The following ADAMDEC1 variants were observed in gnomAD, a reference collection of about 807,000 sequenced individuals.
The protein encoded by ADAMDEC1 is ADAM DEC1.
ADAMDEC1 carries 62 observed loss-of-function variants against 60.4 expected under a neutral mutation model. The observed-to-expected ratio is 1.03, with a 90% confidence interval of 0.84 to 1.27. The LOEUF (loss-of-function observed/expected upper bound fraction) is 1.27, where lower values mean the gene tolerates loss of function less well. Ranked by LOEUF, ADAMDEC1 falls within the 50% of genes most tolerant of loss-of-function variation. The pLI, the probability that ADAMDEC1 is intolerant of heterozygous loss-of-function variation, is 0.00. For synonymous variants in ADAMDEC1, 210 were observed against 195.1 expected (o/e 1.08, Z -0.64); for missense variants, 595 against 565.0 (o/e 1.05, Z -0.54).
At chr8:24,391,216 A>G (rs1817437298) in intron 1 of ADAMDEC1, among the ~76,000 whole-genome samples, 1 of 152,168 alleles carries the variant, frequency 6.6e-6, no homozygotes, top group South Asian at 2.1e-4. Flanking sequence ...TTTCCCTAAG[A>G]TCACTCTGTC....
chr8:24,401,943 T>C lies in ADAMDEC1; in HGVS notation c.1171T>C (p.Ser391Pro), dbSNP rs1462439906. 1 of 1,612,218 alleles carries C rather than the reference T, an allele frequency of 6.2e-7. No homozygotes were observed. Among genetic ancestry groups the C allele is most frequent in the Non-Finnish European group, 8.5e-7 (1 of 1,179,470 alleles). ...SSKFPKDFST[S>P]CRAHFERYLL... ...AAAATTCCCAAAGGATTTCAGTACATCTTGCCGTGCACATTTTGAAAGATA... is the reference window on the plus strand; with the variant it reads ...AAAATTCCCAAAGGATTTCAGTACACCTTGCCGTGCACATTTTGAAAGATA... Residue 391 changes from serine to proline, a missense_variant, in exon 12 of 14, where the codon TCT becomes CCT. By Grantham distance (74) the Ser-to-Pro change is moderately conservative. Transcript: ENST00000256412.
intron 13 of ADAMDEC1, 42 bp downstream of exon 13, chr8:24,404,130 G>C: frequency 3.2e-6 from 5 of 1,563,184 alleles, no homozygotes; most frequent in Non-Finnish European, 4.4e-6. Flanking sequence ...GTTTTCTCAC[G>C]TTTATTTCAG....
chr8:24,403,053 T>C (rs555032158), intron 12 of ADAMDEC1, among the ~76,000 whole-genome samples: 10 of 152,084 alleles, frequency 6.6e-5, no homozygotes, highest in African/African-American at 1.9e-4. Flanking sequence ...GGTATGTATT[T>C]ACAGAGAAGA....
At chr8:24,399,501 T>G in intron 10 of ADAMDEC1, 27 bp downstream of exon 10, 1 of 1,568,598 alleles carries the variant, frequency 6.4e-7, no homozygotes, top group Non-Finnish European at 8.8e-7. Context: ...TAAGGCTCTC[T>G]GTGGTTCTGT....
chr8:24,390,239 A>T (rs978415734), intron 1 of ADAMDEC1: 5 of 1,073,984 alleles, frequency 4.7e-6, no homozygotes, highest in Non-Finnish European at 6.1e-6. Flanking sequence ...TACTGTCTAG[A>T]AAAGAATGTA....
chr8:24,397,484 T>C (rs1297176004), intron 6 of ADAMDEC1, 28 bp downstream of exon 6: 1 of 1,606,464 alleles, frequency 6.2e-7, no homozygotes, highest in East Asian at 2.2e-5. Context: ...ACCTCATCAT[T>C]TACTTCAATT....
intron 10 of ADAMDEC1, 32 bp from the exon 11 acceptor site, chr8:24,400,138 A>G (rs1323687394): frequency 1.4e-6 from 2 of 1,478,502 alleles, no homozygotes; most frequent in Admixed American, 5.1e-5. Flanking sequence ...TTAAATAAAA[A>G]AAGAATAAAT....
intron 1 of ADAMDEC1, among the ~76,000 whole-genome samples, chr8:24,385,918 T>G (rs545557493): frequency 3.2e-4 from 48 of 148,386 alleles, no homozygotes; most frequent in Admixed American, 5.5e-4. Flanking sequence ...TCAAACAACA[T>G]GTAATGAAAT....
intron 10 of ADAMDEC1, 121 bp from the exon 11 acceptor site, chr8:24,400,049 C>T: frequency 2.6e-6 from 2 of 758,454 alleles, no homozygotes; most frequent in Non-Finnish European, 3.9e-6. Context: ...TTGCAATACA[C>T]AGTGACAGGG....
At chr8:24,387,613 G>A (rs916427662) in intron 1 of ADAMDEC1, 7 of 152,148 alleles carry the variant, frequency 4.6e-5, no homozygotes, top group African/African-American at 1.7e-4. Flanking sequence ...TGAGACACAG[G>A]CTCTGCTAGC....
At chr8:24,402,194 T>C (rs1044477920) in intron 12 of ADAMDEC1, 102 bp downstream of exon 12, 27 of 1,110,534 alleles carry the variant, frequency 2.4e-5, no homozygotes, top group African/African-American at 4.9e-5. Flanking sequence ...CTTGGCATCG[T>C]AGTTAAAAAG....
chr8:24,393,648 C>A (rs1189620013), intron 3 of ADAMDEC1, among the ~76,000 whole-genome samples: 1 of 152,126 alleles, frequency 6.6e-6, no homozygotes, highest in African/African-American at 2.4e-5. Context: ...GTGTCCAAGG[C>A]TGATTCAAAA....
rs1004034610 is a variant in ADAMDEC1 at position 24,405,676 on chromosome 8, C to T, written c.*378C>T. 5 of 179,324 alleles carry T rather than the reference C, an allele frequency of 2.8e-5. No homozygotes were observed. Among genetic ancestry groups the T allele is most frequent in the East Asian group, 1.4e-4 (1 of 6,968 alleles). 11.1% of individuals were successfully genotyped at this position (179,324 alleles called of 1,614,324 possible). On this transcript the variant is annotated 3_prime_UTR_variant, in exon 14 of 14. Transcript: ENST00000256412. Reference sequence around the variant, plus strand: ...TTACAAGTACTATGCTTTAATGCTTCTTTCATCTTACTAGTATGGCCTATA... The same window carrying T: ...TTACAAGTACTATGCTTTAATGCTTTTTTCATCTTACTAGTATGGCCTATA...
At position 24,400,247 on chromosome 8, in the gene ADAMDEC1, T is replaced by A; in HGVS notation, c.1089T>A (p.Val363=). 1 of 1,612,262 alleles carries A rather than the reference T, an allele frequency of 6.2e-7. No individual in the cohort carries two copies. Among genetic ancestry groups the A allele is most frequent in the Non-Finnish European group, 8.5e-7 (1 of 1,178,986 alleles). The change falls in exon 11 of 14, where the codon GTT becomes GTA. Residue 363 remains valine, a synonymous_variant. Coordinates refer to ENST00000256412, the MANE Select transcript of ADAMDEC1 (RefSeq NM_014479.3). The stretch of plus-strand genomic sequence containing the variant: ...GCCATGTCCTTGGTATGCCTGATGT[T>A]CCATTCAACACCAAGTGTCCCTCTG... The part of the protein sequence containing the change: ...ELGHVLGMPD[V]PFNTKCPSGS...
At chr8:24,393,160 C>A in intron 2 of ADAMDEC1, 102 bp from the exon 3 acceptor site, 1 of 643,606 alleles carries the variant, frequency 1.6e-6, no homozygotes, top group Non-Finnish European at 2.5e-6. Flanking sequence ...TTGCTTTTAT[C>A]CTATATGCAT....
chr8:24,389,973 C>T (rs764374910), intron 1 of ADAMDEC1, among the ~76,000 whole-genome samples: 8 of 152,154 alleles, frequency 5.3e-5, no homozygotes, highest in Admixed American at 3.9e-4. Context: ...TATTTCATCA[C>T]CATAGTACTT....
At chr8:24,403,901 A>G (rs1213115384) in intron 12 of ADAMDEC1, 102 bp from the exon 13 acceptor site, 1 of 884,640 alleles carries the variant, frequency 1.1e-6, no homozygotes, top group African/African-American at 1.7e-5. Context: ...ATTTACCTTA[A>G]AAAGTAAACT....
At chr8:24,394,978 G>A (rs1338958362) in intron 4 of ADAMDEC1, among the ~76,000 whole-genome samples, 1 of 152,184 alleles carries the variant, frequency 6.6e-6, no homozygotes, top group East Asian at 1.9e-4. Flanking sequence ...GACCATAGAT[G>A]GAATTTCATA....
chr8:24,396,306 T>C (rs1465081929), intron 5 of ADAMDEC1, among the ~76,000 whole-genome samples: 5 of 151,962 alleles, frequency 3.3e-5, no homozygotes, highest in Non-Finnish European at 5.9e-5. Flanking sequence ...GTCAGAAGAT[T>C]GAGACCATCC....
Sources: gnomAD v4.1 joint callset for allele counts (sites outside exome capture counted in the v4.1 genomes callset) on GRCh38, gnomAD v4.1.1 for gene constraint, MANE v1.5 for transcripts, NCBI Gene and HGNC (gene_info 2026-07-23, HGNC 2026-07-21) for gene names.